Variants in ZBTB11 observed in about 807,000 individuals in gnomAD.
ZBTB11 encodes zinc finger and BTB domain-containing protein 11.
Under a neutral mutation model 113.1 loss-of-function variants are expected in ZBTB11, and 68 were observed. The observed-to-expected ratio is 0.60, with a 90% CI of 0.49 to 0.74. ZBTB11 has a LOEUF of 0.74. ZBTB11 is among the 30% of genes least tolerant of loss of function. ZBTB11 has a pLI of 0.00. For missense variants in ZBTB11, 1,104 were observed against 1,279.4 expected (o/e 0.86, Z 2.09); for synonymous variants, 518 against 452.6 (o/e 1.14, Z -1.83).
At chr3:101,668,587 A>T (rs1407730344) in intron 3 of ZBTB11, among the ~76,000 whole-genome samples, 1 of 150,194 alleles carries the variant, frequency 6.7e-6, no homozygotes, top group Non-Finnish European at 1.5e-5. Context: ...GCACCACTGC[A>T]CTCTAGCCTA....
chr3:101,653,681 A>C (rs567226710), intron 8 of ZBTB11, among the ~76,000 whole-genome samples: 2 of 152,342 alleles, frequency 1.3e-5, no homozygotes, highest in African/African-American at 4.8e-5. Context: ...TCAAGTAGGA[A>C]GCTCCAAAAG....
chr3:101,668,666 CAAAG>C (rs1937035006), intron 3 of ZBTB11, among the ~76,000 whole-genome samples: 1 of 149,762 alleles, frequency 6.7e-6, no homozygotes, highest in African/African-American at 2.5e-5. Context: ...GTTTTCAACA[CAAAG>C]AAAGGTGAAT....
chr3:101,671,676 G>GTAA (rs1937088352), intron 2 of ZBTB11: 2 of 574,916 alleles, frequency 3.5e-6, no homozygotes, highest in Admixed American at 3.4e-5. Flanking sequence ...ACCTTGGGGC[G>GTAA]TAAACTCAGA....
Position 101,656,008 on chromosome 3 carries a change from C to T in ZBTB11, c.2191+96G>A, listed in dbSNP as rs763409204. ...GTCTCAATACAAAATTGAGCACACA[C>T]GACTATCAGTTTATCAATATAATTT... On this transcript the variant is annotated intron_variant, in intron 7 of 10. Coordinates refer to ENST00000312938, the MANE Select transcript of ZBTB11 (RefSeq NM_014415.4). The T allele has an allele frequency of 7.2e-5, 75 of 1,042,362 alleles. No individual in the cohort carries two copies. The South Asian group carries it at 1.2e-3, about 17-fold the overall frequency. 64.6% of individuals were successfully genotyped at this position (1,042,362 alleles called of 1,614,324 possible).
At position 101,656,931 on chromosome 3, in the gene ZBTB11, C is replaced by T. The variant is rs562912993; in HGVS notation, c.2047-683G>A. On this transcript the variant is annotated intron_variant, in intron 6 of 10. Coordinates refer to ENST00000312938, the MANE Select transcript of ZBTB11 (RefSeq NM_014415.4). ...GGCGGATCATTTGAGGTCAGGAGTT[C>T]GTGACCAGCCTGGTCAACATGGTGA... is the stretch of plus-strand genomic sequence containing the variant. Among the ~76,000 whole-genome samples, 10 of 151,038 alleles carry T rather than the reference C, an allele frequency of 6.6e-5. No homozygotes were observed. The South Asian group carries it at 1.7e-3, about 25-fold the overall frequency.
At position 101,672,217 on chromosome 3, in the gene ZBTB11, C is replaced by T; in HGVS notation, c.311-4G>A. ...TCTTTGACTTGCTTCAATATACCTA[C>T]AATGAAAATATTAACAAGTCAAATT... On this transcript the variant is annotated splice_polypyrimidine_tract_variant and splice_region_variant and intron_variant, in intron 1 of 10. Transcript: ENST00000312938. 6.3e-7 allele frequency: 1 copy of T among 1,578,194 alleles called. No homozygotes were observed. Among genetic ancestry groups the T allele is most frequent in the Non-Finnish European group, 8.6e-7 (1 of 1,159,554 alleles).
chr3:101,658,391 A>G (rs1356415387), intron 6 of ZBTB11, among the ~76,000 whole-genome samples: 2 of 151,368 alleles, frequency 1.3e-5, no homozygotes, highest in Non-Finnish European at 2.9e-5. Flanking sequence ...ATGCCTGGCT[A>G]ATTTTTTGTA....
At chr3:101,673,997 C>T (rs1937121562) in intron 1 of ZBTB11, among the ~76,000 whole-genome samples, 1 of 151,008 alleles carries the variant, frequency 6.6e-6, no homozygotes, top group Non-Finnish European at 1.5e-5. Context: ...ACCTGTTTAA[C>T]CTAGGAATTT....
At chr3:101,674,127 G>C (rs919965797) in intron 1 of ZBTB11, among the ~76,000 whole-genome samples, 1 of 150,460 alleles carries the variant, frequency 6.6e-6, no homozygotes, top group Non-Finnish European at 1.5e-5. Flanking sequence ...TTTGAGGTAA[G>C]AAGTTCGAGA....
chr3:101,662,724 T>C (rs776234598), intron 5 of ZBTB11, among the ~76,000 whole-genome samples: 9 of 152,188 alleles, frequency 5.9e-5, no homozygotes, highest in Non-Finnish European at 1.3e-4. Flanking sequence ...TTTTTCTTTT[T>C]AGTAGTTTTA....
Position 101,650,600 on chromosome 3 carries a change from T to C in ZBTB11, c.*566A>G, listed in dbSNP as rs1936684965. ...GCTTTAAAATAGAATAAAGCATCCC[T>C]GACTTAAAAGGGGATAAAATAAATA... is the stretch of plus-strand genomic sequence containing the variant. On this transcript the variant is annotated 3_prime_UTR_variant, in exon 11 of 11. Coordinates refer to ENST00000312938, the MANE Select transcript of ZBTB11 (RefSeq NM_014415.4). The C allele has an allele frequency of 6.6e-6, 1 of 152,644 alleles. No individual in the cohort carries two copies. Among genetic ancestry groups the C allele is most frequent in the Admixed American group, 6.5e-5 (1 of 15,280 alleles). The allele number at this position is 152,644 out of a possible 1,614,324, so 9.5% of individuals were successfully genotyped here. A position where few individuals can be genotyped will look rare whatever the true frequency, so the allele number is the denominator to read the frequency against.
At chr3:101,672,247 A>G in intron 1 of ZBTB11, 34 bp from the exon 2 acceptor site, 1 of 1,434,118 alleles carries the variant, frequency 7.0e-7, no homozygotes, top group Non-Finnish European at 9.6e-7. Flanking sequence ...CAAATTTAAT[A>G]CTGTTAACTG....
Position 101,659,931 on chromosome 3 carries a change from G to A in ZBTB11, c.1898C>T (p.Thr633Met), listed in dbSNP as rs780959031. ...TGATGTTCCCGATGCTTCATTAGAC[G>A]TGGAATTGGACGAGGATGAAGAGGG... ...DAPSSSSSNS[T>M]SNEASGTSSE... Residue 633 changes from threonine (T) to methionine (M), a missense_variant, in exon 6 of 11, where the codon ACG becomes ATG. Transcript: ENST00000312938. The A allele has an allele frequency of 2.0e-5, 32 of 1,614,018 alleles. No individual in the cohort carries two copies. Among genetic ancestry groups the A allele is most frequent in the African/African-American group, 2.7e-5 (2 of 74,922 alleles).
Position 101,665,113 on chromosome 3 carries a change from C to T in ZBTB11, c.1474G>A (p.Ala492Thr). The change falls in exon 4 of 11, where the codon GCA (alanine) becomes ACA (threonine). Residue 492 changes from alanine to threonine, a missense_variant. Coordinates refer to ENST00000312938, the MANE Select transcript of ZBTB11 (RefSeq NM_014415.4). ...KDQENLVAST[A>T]KTDFGPDDDT... ...TCATCAGGGCCAAAGTCTGTCTTTG[C>T]TGTTGATGCAACTAGATTTTCCTGA... 2 of 1,614,168 alleles carry T rather than the reference C, an allele frequency of 1.2e-6. No individual in the cohort carries two copies. Among genetic ancestry groups the T allele is most frequent in the Non-Finnish European group, 1.7e-6 (2 of 1,180,044 alleles).
chr3:101,659,484 T>C (rs1202849553), intron 6 of ZBTB11, among the ~76,000 whole-genome samples: 1 of 152,170 alleles, frequency 6.6e-6, no homozygotes, highest in African/African-American at 2.4e-5. Flanking sequence ...TCCTGGTTGG[T>C]CCAGTTGAAG....
chr3:101,664,225 TAA>T lies in ZBTB11; in HGVS notation c.1800+311_1800+312del, dbSNP rs1936941574. On this transcript the variant is annotated intron_variant, in intron 5 of 10. Transcript: ENST00000312938. ...AGTGAACCCTTTCAACTCTGCTGAATAAGTTACTCCATCTATTTATTTGTATC... is the reference window on the plus strand; with the variant it reads ...AGTGAACCCTTTCAACTCTGCTGAATGTTACTCCATCTATTTATTTGTATC... Among the ~76,000 whole-genome samples the T allele has an allele frequency of 4.6e-5, 7 of 152,358 alleles. No homozygotes were observed. The South Asian group carries it at 1.4e-3, about 32-fold the overall frequency.
At chr3:101,664,337 C>T (rs753797737) in intron 5 of ZBTB11, among the ~76,000 whole-genome samples, 10 of 152,094 alleles carry the variant, frequency 6.6e-5, no homozygotes, top group Non-Finnish European at 1.3e-4. Context: ...TGTCTTACTA[C>T]GGTATCAAGA....
chr3:101,674,450 C>A (rs7651404), intron 1 of ZBTB11, among the ~76,000 whole-genome samples: 45,688 of 151,804 alleles, frequency 0.3, 7,157 homozygotes, highest in Non-Finnish European at 0.34. Flanking sequence ...GTGGCTTACA[C>A]CCGTAATCCC....
chr3:101,677,051 T>C lies in ZBTB11; in HGVS notation c.-137A>G. 1.0e-6 allele frequency: 1 copy of C among 955,004 alleles called. No individual in the cohort carries two copies. 59.2% of individuals were successfully genotyped at this position (955,004 alleles called of 1,614,324 possible). On this transcript the variant is annotated 5_prime_UTR_variant, in exon 1 of 11. Transcript: ENST00000312938. ...CCTTTGGCGAGCGCTCTTCGACGGC[T>C]CCCTTAGTCCGAAGGAAAAGCGGGC...
Sources: gnomAD v4.1 joint callset for allele counts (sites outside exome capture counted in the v4.1 genomes callset) on GRCh38, gnomAD v4.1.1 for gene constraint, MANE v1.5 for transcripts, NCBI Gene and HGNC (gene_info 2026-07-23, HGNC 2026-07-21) for gene names.